Variants in CADM2 observed in about 807,000 individuals in gnomAD.
The protein encoded by CADM2 is cell adhesion molecule 2.
CADM2 carries 12 observed loss-of-function variants against 49.8 expected under a neutral mutation model. The observed-to-expected ratio is 0.24, with a 90% CI of 0.15 to 0.39. The LOEUF (loss-of-function observed/expected upper bound fraction) is 0.39. Among genes scored for constraint, CADM2 ranks in the 10% least tolerant of loss-of-function variants. The probability of loss-of-function intolerance (pLI) is 1.00; values close to 1 mark genes in which losing one functional copy is unlikely to be tolerated. For synonymous variants in CADM2, 214 were observed against 175.4 expected, an observed-to-expected ratio of 1.22 and a Z score of -1.74; for missense variants, 378 against 492.3, an observed-to-expected ratio of 0.77 and a Z score of 2.20.
At chr3:85,893,382 C>T (rs1251599593) in intron 5 of CADM2, among the ~76,000 whole-genome samples, 3 of 152,084 alleles carry the variant, frequency 2.0e-5, no homozygotes, top group Non-Finnish European at 2.9e-5. Context: ...AGACCTAAAA[C>T]CATAAAAACC....
At chr3:85,432,162 G>C (rs1424771828) in intron 1 of CADM2, among the ~76,000 whole-genome samples, 1 of 151,800 alleles carries the variant, frequency 6.6e-6, no homozygotes, top group Non-Finnish European at 1.5e-5. Context: ...AAAGGAGTGA[G>C]AGATCTAGAA....
chr3:85,839,688 G>A (rs1051144752), intron 3 of CADM2, among the ~76,000 whole-genome samples: 3 of 151,788 alleles, frequency 2.0e-5, no homozygotes, highest in African/African-American at 7.2e-5. Context: ...TTGCAAATAT[G>A]AAAGTCAGGG....
At chr3:85,006,624 T>C (rs1184440903) in intron 1 of CADM2, among the ~76,000 whole-genome samples, 1 of 152,100 alleles carries the variant, frequency 6.6e-6, no homozygotes, top group Non-Finnish European at 1.5e-5. Context: ...CTGGTTTGAT[T>C]ATCCTCAGTT....
intron 6 of CADM2, among the ~76,000 whole-genome samples, chr3:85,917,280 C>T (rs1269340328): frequency 6.6e-6 from 1 of 152,112 alleles, no homozygotes; most frequent in East Asian, 1.9e-4. Context: ...AGGTTTTCTT[C>T]TAGGGTTTTT....
At chr3:85,589,635 A>AT (rs535025054) in intron 1 of CADM2, among the ~76,000 whole-genome samples, 41 of 151,998 alleles carry the variant, frequency 2.7e-4, no homozygotes, top group Non-Finnish European at 5.4e-4. Context: ...ACAAATAAAT[A>AT]TTTTTAGTAT....
chr3:85,541,095 TATA>T (rs1292407515), intron 1 of CADM2, among the ~76,000 whole-genome samples: 2 of 151,326 alleles, frequency 1.3e-5, no homozygotes, highest in Non-Finnish European at 2.9e-5. Flanking sequence ...ATAAAATTAT[TATA>T]ATAAAATATA....
chr3:85,103,994 A>G (rs1351500948), intron 1 of CADM2, among the ~76,000 whole-genome samples: 1 of 152,142 alleles, frequency 6.6e-6, no homozygotes, highest in Non-Finnish European at 1.5e-5. Context: ...GTGAGATGTA[A>G]AAGAATAATT....
intron 2 of CADM2, among the ~76,000 whole-genome samples, chr3:85,796,097 A>G (rs1368026812): frequency 1.3e-5 from 2 of 152,224 alleles, no homozygotes; most frequent in East Asian, 3.8e-4. Flanking sequence ...AGAAGCAAAC[A>G]GTCTTATTTA....
chr3:85,887,271 A>C (rs1331718724), intron 5 of CADM2, among the ~76,000 whole-genome samples: 2 of 151,930 alleles, frequency 1.3e-5, no homozygotes, highest in African/African-American at 4.8e-5. Flanking sequence ...TATTTTTTGT[A>C]GAGATCGTGC....
At chr3:85,504,676 C>T (rs1391890320) in intron 1 of CADM2, among the ~76,000 whole-genome samples, 1 of 152,234 alleles carries the variant, frequency 6.6e-6, no homozygotes, top group Non-Finnish European at 1.5e-5. Context: ...CGTGCGCCCG[C>T]ACTCCGCAGC....
At chr3:86,062,385 A>T (rs760914667) in intron 8 of CADM2, among the ~76,000 whole-genome samples, 1 of 152,162 alleles carries the variant, frequency 6.6e-6, no homozygotes, top group Non-Finnish European at 1.5e-5. Flanking sequence ...TAGATATTAG[A>T]GAGCTAAAAT....
At chr3:85,111,646 T>TTGA (rs1305954997) in intron 1 of CADM2, among the ~76,000 whole-genome samples, 14 of 151,602 alleles carry the variant, frequency 9.2e-5, no homozygotes, top group African/African-American at 3.1e-4. Flanking sequence ...GTGGAGATGG[T>TTGA]TGATGGGTAC....
intron 8 of CADM2, among the ~76,000 whole-genome samples, chr3:85,973,778 T>C (rs1025716106): frequency 1.8e-4 from 28 of 151,764 alleles, no homozygotes; most frequent in African/African-American, 6.8e-4. Context: ...GGTCCTCCCA[T>C]AGCAGTATGT....
chr3:85,490,848 TAAA>T (rs879568855), intron 1 of CADM2, among the ~76,000 whole-genome samples: 1 of 139,374 alleles, frequency 7.2e-6, no homozygotes. Context: ...GTTCTGAGAG[TAAA>T]AAAAAAAAAG....
At chr3:85,668,430 T>C (rs749562040) in intron 1 of CADM2, among the ~76,000 whole-genome samples, 13 of 152,012 alleles carry the variant, frequency 8.6e-5, no homozygotes, top group Non-Finnish European at 1.8e-4. Context: ...ATGATTGATA[T>C]GGTTTGGCTG....
chr3:85,359,657 TATATATA>T lies in CADM2; in HGVS notation c.62-366864_62-366858del, dbSNP rs1416226799. On this transcript the variant is annotated intron_variant, in intron 1 of 9. Coordinates refer to ENST00000383699, the MANE Select transcript of CADM2 (RefSeq NM_001167675.2). Reference sequence around the variant, plus strand: ...GTCAGCATATATATATATATATATATATATATATATTTTTTTTTTTGGTGGAGGGGAG... The same window carrying T: ...GTCAGCATATATATATATATATATATTATTTTTTTTTTTGGTGGAGGGGAG... Among the ~76,000 whole-genome samples the T allele has an allele frequency of 6.3e-4, 13 of 20,516 alleles. 1 individual carries two copies. The highest frequency in any genetic ancestry group is 9.1e-4 in the African/African-American group (9 of 9,880). 13.5% of individuals were successfully genotyped at this position (20,516 alleles called of 152,430 possible).
At chr3:85,993,597 T>C (rs1022116556) in intron 8 of CADM2, 5 of 152,190 alleles carry the variant, frequency 3.3e-5, no homozygotes, top group African/African-American at 4.8e-5. Flanking sequence ...TCTTGGCAGC[T>C]ATAGCTTTAA....
At chr3:85,844,771 C>T (rs2074801032) in intron 3 of CADM2, among the ~76,000 whole-genome samples, 1 of 152,010 alleles carries the variant, frequency 6.6e-6, no homozygotes. Context: ...CACACACACA[C>T]ATATTGCATT....
intron 1 of CADM2, among the ~76,000 whole-genome samples, chr3:85,168,673 C>G (rs934852203): frequency 2.0e-5 from 3 of 152,062 alleles, no homozygotes; most frequent in Admixed American, 1.3e-4. Context: ...TACTTTCACC[C>G]AAGCCAATAT....
Sources: allele counts gnomAD v4.1 joint callset (sites outside exome capture counted in the v4.1 genomes callset), GRCh38; gene constraint gnomAD v4.1.1; transcripts MANE v1.5; gene names NCBI Gene and HGNC (gene_info 2026-07-23, HGNC 2026-07-21).